COL25A1: variants seen among roughly 807,000 people sequenced by gnomAD.
COL25A1 encodes the protein collagen alpha-1(XXV) chain.
COL25A1 carries 103 observed loss-of-function variants against 128.4 expected under a neutral mutation model. The ratio of observed to expected loss-of-function variants is 0.80; its 90% CI spans 0.68 to 0.94. The LOEUF is 0.94. Ranked by LOEUF, COL25A1 falls within the 40% of genes least tolerant of loss-of-function variation. The pLI, the probability that COL25A1 is intolerant of heterozygous loss-of-function variation, is 0.00. For missense variants in COL25A1, 745 were observed against 840.0 expected (o/e 0.89, Z 1.40); for synonymous variants, 279 against 277.2 (o/e 1.01, Z -0.06).
At chr4:109,048,985 T>C (rs1760725437) in intron 4 of COL25A1, among the ~76,000 whole-genome samples, 1 of 152,134 alleles carries the variant, frequency 6.6e-6, no homozygotes, top group Non-Finnish European at 1.5e-5. Flanking sequence ...AAGTTTCCAA[T>C]TATTTAGATT....
intron 3 of COL25A1, among the ~76,000 whole-genome samples, chr4:109,100,482 G>A (rs1765796198): frequency 6.6e-6 from 1 of 150,958 alleles, no homozygotes; most frequent in South Asian, 2.1e-4. Flanking sequence ...CACGCTGTCT[G>A]TGGGTGACTG....
intron 3 of COL25A1, among the ~76,000 whole-genome samples, chr4:109,064,366 T>G (rs192409995): frequency 6.6e-6 from 1 of 152,210 alleles, no homozygotes; most frequent in Non-Finnish European, 1.5e-5. Context: ...TGGGCATCCA[T>G]AGTATGCAAG....
chr4:109,031,414 C>G (rs1758851032), intron 5 of COL25A1, among the ~76,000 whole-genome samples: 1 of 152,168 alleles, frequency 6.6e-6, no homozygotes, highest in African/African-American at 2.4e-5. Context: ...CCGCGCCAGG[C>G]CATGTTACAA....
intron 3 of COL25A1, among the ~76,000 whole-genome samples, chr4:109,121,940 G>C (rs1199948035): frequency 6.6e-6 from 1 of 152,036 alleles, no homozygotes; most frequent in Non-Finnish European, 1.5e-5. Flanking sequence ...ATATCATTCA[G>C]GCTAAAAAGA....
intron 3 of COL25A1, among the ~76,000 whole-genome samples, chr4:109,051,138 C>A (rs1315766977): frequency 6.6e-6 from 1 of 152,078 alleles, no homozygotes; most frequent in Non-Finnish European, 1.5e-5. Flanking sequence ...TACAGAACTG[C>A]CTGATTTTAA....
intron 3 of COL25A1, among the ~76,000 whole-genome samples, chr4:109,186,907 A>G (rs1775191702): frequency 6.6e-6 from 1 of 152,182 alleles, no homozygotes; most frequent in African/African-American, 2.4e-5. Context: ...TAAAAACTGT[A>G]TTCATCTAAC....
At chr4:109,135,632 G>A (rs572096761) in intron 3 of COL25A1, among the ~76,000 whole-genome samples, 54 of 142,568 alleles carry the variant, frequency 3.8e-4, no homozygotes, top group African/African-American at 1.5e-3. Flanking sequence ...AACAATTGAA[G>A]CTTCACTTAA....
At chr4:109,182,406 T>G (rs1315346886) in intron 3 of COL25A1, among the ~76,000 whole-genome samples, 2 of 152,170 alleles carry the variant, frequency 1.3e-5, no homozygotes, top group African/African-American at 4.8e-5. Context: ...AGAGAGTCTA[T>G]TCATTACTAA....
intron 6 of COL25A1, among the ~76,000 whole-genome samples, chr4:108,978,581 A>G (rs983861299): frequency 3.9e-5 from 6 of 152,236 alleles, no homozygotes; most frequent in African/African-American, 1.4e-4. Flanking sequence ...AACTAGTATT[A>G]ACTAAAGGAT....
At chr4:108,847,602 A>G (rs1735265049) in intron 27 of COL25A1, among the ~76,000 whole-genome samples, 1 of 152,112 alleles carries the variant, frequency 6.6e-6, no homozygotes, top group South Asian at 2.1e-4. Context: ...GAAAAAAAAA[A>G]GCTAGCTACT....
At chr4:108,920,556 A>G (rs377551691) in intron 12 of COL25A1, 22 bp downstream of exon 12, 41 of 1,586,170 alleles carry the variant, frequency 2.6e-5, no homozygotes, top group South Asian at 2.4e-4. Context: ...TTACTTTCAC[A>G]ATATTGTTGT....
chr4:108,963,926 A>C (rs1751012907), intron 8 of COL25A1, among the ~76,000 whole-genome samples: 1 of 151,560 alleles, frequency 6.6e-6, no homozygotes, highest in South Asian at 2.1e-4. Context: ...TATATGTCAC[A>C]TGAAAAAGTA....
chr4:108,841,736 C>T lies in COL25A1; in HGVS notation c.1630-15G>A. ...CCATGAGGTCCCTGAAAATGGAAAA[C>T]AGAGCTTTTAATTAAGAATTGATTC... On this transcript the variant is annotated splice_polypyrimidine_tract_variant and intron_variant, in intron 30 of 37. Transcript: ENST00000399132. 1 of 1,603,734 alleles carries T rather than the reference C, an allele frequency of 6.2e-7. No individual in the cohort carries two copies.
intron 8 of COL25A1, among the ~76,000 whole-genome samples, chr4:108,952,050 T>C (rs2125948232): frequency 6.6e-6 from 1 of 152,226 alleles, no homozygotes; most frequent in South Asian, 2.1e-4. Flanking sequence ...GTTTTGAATT[T>C]AAGGAAATGA....
intron 3 of COL25A1, among the ~76,000 whole-genome samples, chr4:109,242,367 C>T: frequency 6.6e-6 from 1 of 152,130 alleles, no homozygotes; most frequent in East Asian, 1.9e-4. Flanking sequence ...CTGCACTTCA[C>T]TTCACTCTTT....
At chr4:109,260,623 G>A (rs1382340293) in intron 3 of COL25A1, among the ~76,000 whole-genome samples, 7 of 152,074 alleles carry the variant, frequency 4.6e-5, no homozygotes, top group African/African-American at 1.4e-4. Flanking sequence ...AGTCTCCTGC[G>A]TAGCTGGGAC....
At chr4:108,974,115 T>G (rs1334489372) in intron 8 of COL25A1, among the ~76,000 whole-genome samples, 2 of 152,234 alleles carry the variant, frequency 1.3e-5, no homozygotes, top group African/African-American at 4.8e-5. Flanking sequence ...TTCTTAGAAG[T>G]GATTCTGGCC....
In COL25A1 at chr4:108,844,542, G is replaced by A. The variant is rs1203445489; in HGVS notation, c.1606C>T (p.Pro536Ser). The change falls in exon 30 of 38, where the codon CCC (proline) becomes TCC (serine). Residue 536 changes from proline (P) to serine (S), a missense_variant. Physicochemically the swap from Pro to Ser is moderately conservative, Grantham distance 74 (BLOSUM62 -1). This residue lies in a region of COL25A1 where 387 missense variants were observed against 441.9 expected (regional missense o/e 0.88). Coordinates refer to ENST00000399132, the MANE Select transcript of COL25A1 (RefSeq NM_198721.4). ...SIIGPPGPPG[P>S]HGPPGPMGPH... ...ACCATGGGGCCAGGTGGGCCATGGG[G>A]ACCTGGTGGGCCTGGTGGGCCTATG... is the stretch of plus-strand genomic sequence containing the variant. 1.9e-6 allele frequency: 3 copies of A among 1,613,568 alleles called. No homozygotes were observed. Among genetic ancestry groups the A allele is most frequent in the South Asian group, 2.2e-5 (2 of 91,012 alleles).
At chr4:109,198,389 T>G (rs1411020117) in intron 3 of COL25A1, among the ~76,000 whole-genome samples, 6 of 151,760 alleles carry the variant, frequency 4.0e-5, no homozygotes, top group Non-Finnish European at 8.8e-5. Context: ...CAGAACACAC[T>G]CCACTTTATC....
Sources: gnomAD v4.1 joint callset for allele counts (sites outside exome capture counted in the v4.1 genomes callset) on GRCh38, gnomAD v4.1.1 for gene constraint, gnomAD v4.1.1 regional missense constraint, MANE v1.5 for transcripts, NCBI Gene and HGNC (gene_info 2026-07-23, HGNC 2026-07-21) for gene names.